Variants in COL22A1 observed in about 807,000 individuals in gnomAD.
COL22A1 encodes collagen type XXII alpha 1 chain, also known as collagen alpha-1(XXII) chain.
Under a neutral mutation model 248.9 loss-of-function variants are expected in COL22A1, and 221 were observed. The ratio of observed to expected loss-of-function variants is 0.89; its 90% confidence interval spans 0.80 to 0.99. The LOEUF (loss-of-function observed/expected upper bound fraction) is 0.99, where lower values mean the gene tolerates loss of function less well. COL22A1 is among the 50% of genes least tolerant of loss of function. The pLI is 0.00. For synonymous variants in COL22A1, 891 were observed against 793.4 expected (o/e 1.12, Z -2.07); for missense variants, 2,240 against 2,179.0 (o/e 1.03, Z -0.56).
chr8:138,692,228 G>T (rs1335015950), intron 35 of COL22A1, among the ~76,000 whole-genome samples: 1 of 150,938 alleles, frequency 6.6e-6, no homozygotes, highest in East Asian at 2.0e-4. Context: ...GTGTGCACGT[G>T]CATGTGCATG....
chr8:138,860,488 C>T lies in COL22A1; in HGVS notation c.659-16330G>A, dbSNP rs531978851. Among the ~76,000 whole-genome samples, 7 of 152,308 alleles carry T rather than the reference C, an allele frequency of 4.6e-5. No homozygotes were observed. The South Asian group carries it at 8.3e-4, about 18-fold the overall frequency. On this transcript the variant is annotated intron_variant, in intron 3 of 64. Coordinates refer to ENST00000303045, the MANE Select transcript of COL22A1 (RefSeq NM_152888.3). ...TTATTTAAATTTTCTATATGTGTGA[C>T]CTCAAAGCCACCAACAATACAATGA... is the stretch of plus-strand genomic sequence containing the variant.
chr8:138,596,927 T>C lies in COL22A1; in HGVS notation c.4409A>G (p.Glu1470Gly). The part of the protein sequence containing the change: ...SMETLRRLIQ[E>G]ELGKQLETRL... ...ACTTTCAAGCTGCTTCCCCAGCTCTTCTTGAATAAGCCGACGCAGGGTTTC... is the reference window on the plus strand; with the variant it reads ...ACTTTCAAGCTGCTTCCCCAGCTCTCCTTGAATAAGCCGACGCAGGGTTTC... The change falls in exon 62 of 65, where the codon GAA (glutamate) becomes GGA (glycine). Residue 1470 changes from glutamate (E) to glycine (G), a missense_variant. Physicochemically the swap from Glu to Gly is moderately conservative, Grantham distance 98. Transcript: ENST00000303045. 1 of 1,614,064 alleles carries C rather than the reference T, an allele frequency of 6.2e-7. No homozygotes were observed.
chr8:138,794,052 C>T (rs962151751), intron 12 of COL22A1, among the ~76,000 whole-genome samples: 2 of 152,120 alleles, frequency 1.3e-5, no homozygotes, highest in Admixed American at 6.5e-5. Flanking sequence ...ACCCTGTGCT[C>T]GGCCTCTGCC....
At position 138,614,620 on chromosome 8, in the gene COL22A1, G is replaced by A. The variant is rs116896638; in HGVS notation, c.3925-700C>T. 1.4e-3 allele frequency among the ~76,000 whole-genome samples: 210 copies of A among 152,194 alleles called. 3 individuals are homozygous for A. In the East Asian group the frequency reaches 0.039, roughly 28 times the overall value. ...TGACCTCAGTCACATTCCTGCCTGG[G>A]TAGCACCCTGCATCACCTTTTCTAC... is the stretch of plus-strand genomic sequence containing the variant. On this transcript the variant is annotated intron_variant, in intron 55 of 64. Transcript: ENST00000303045.
rs146810101 is a variant in COL22A1 at position 138,662,746 on chromosome 8, G to A, written c.3187-663C>T. On this transcript the variant is annotated intron_variant, in intron 42 of 64. Transcript: ENST00000303045. ...CTCTCACATGACCCCTCCATCTAGA[G>A]TCCCACCTGTCTTGCCTCTACTTTG... Among the ~76,000 whole-genome samples, 174 of 152,164 alleles carry A rather than the reference G, an allele frequency of 1.1e-3. 1 individual carries two copies. The highest frequency in any genetic ancestry group is 4.1e-3 in the African/African-American group (172 of 41,534).
chr8:138,804,031 C>T (rs1817238356), intron 10 of COL22A1, among the ~76,000 whole-genome samples: 1 of 152,112 alleles, frequency 6.6e-6, no homozygotes, highest in African/African-American at 2.4e-5. Flanking sequence ...CCCCTCTCAG[C>T]CCCTCAGCTC....
chr8:138,762,306 G>A, intron 17 of COL22A1, 107 bp downstream of exon 17: 2 of 1,090,854 alleles, frequency 1.8e-6, no homozygotes, highest in Non-Finnish European at 1.4e-6. Context: ...GCTGAGCAAG[G>A]AGGAGGCCCA....
At chr8:138,706,575 T>G (rs980562107) in intron 30 of COL22A1, among the ~76,000 whole-genome samples, 2 of 152,168 alleles carry the variant, frequency 1.3e-5, no homozygotes, top group African/African-American at 4.8e-5. Flanking sequence ...AATAAAGATG[T>G]TCTTTGAAAC....
intron 11 of COL22A1, among the ~76,000 whole-genome samples, chr8:138,798,654 C>A (rs11987216): frequency 0.35 from 52,496 of 151,976 alleles, 10,457 homozygotes; most frequent in African/African-American, 0.55. Context: ...ATTGTTATAC[C>A]TAACTTGCCA....
At chr8:138,860,096 C>A (rs1822336087) in intron 3 of COL22A1, among the ~76,000 whole-genome samples, 1 of 152,220 alleles carries the variant, frequency 6.6e-6, no homozygotes, top group African/African-American at 2.4e-5. Context: ...ACCTTAAAAC[C>A]CCTTTCCCTT....
At chr8:138,908,663 A>T (rs192292461) in intron 1 of COL22A1, among the ~76,000 whole-genome samples, 177 of 152,318 alleles carry the variant, frequency 1.2e-3, no homozygotes, top group African/African-American at 3.5e-3. Context: ...AATTCACAGG[A>T]GGAAAGGATC....
intron 24 of COL22A1, 33 bp downstream of exon 24, chr8:138,725,354 A>C: frequency 6.2e-7 from 1 of 1,610,698 alleles, no homozygotes; most frequent in South Asian, 1.1e-5. Flanking sequence ...CCACCATCTA[A>C]GAGCCCCTGT....
chr8:138,771,166 G>A (rs929865922), intron 16 of COL22A1, among the ~76,000 whole-genome samples: 4 of 152,218 alleles, frequency 2.6e-5, no homozygotes, highest in Non-Finnish European at 4.4e-5. Context: ...CAGGGACTCA[G>A]AGGCTGATGG....
intron 47 of COL22A1, among the ~76,000 whole-genome samples, chr8:138,642,535 T>G (rs143777828): frequency 3.1e-3 from 472 of 152,274 alleles, no homozygotes; most frequent in African/African-American, 0.01. Flanking sequence ...TGTTGTTCTT[T>G]TTTTCTGGAT....
chr8:138,666,607 A>G (rs1257347792), intron 41 of COL22A1, among the ~76,000 whole-genome samples: 2 of 152,224 alleles, frequency 1.3e-5, no homozygotes, highest in Non-Finnish European at 2.9e-5. Context: ...ATGGACCACC[A>G]TACCTGCATC....
At chr8:138,797,687 A>G (rs1816666448) in intron 11 of COL22A1, among the ~76,000 whole-genome samples, 2 of 152,168 alleles carry the variant, frequency 1.3e-5, no homozygotes, top group Admixed American at 1.3e-4. Flanking sequence ...CAACTGCACC[A>G]TATTATGCAA....
At chr8:138,635,166 C>T in intron 48 of COL22A1, 103 bp from the exon 49 acceptor site, 1 of 917,806 alleles carries the variant, frequency 1.1e-6, no homozygotes, top group South Asian at 1.8e-5. Context: ...CACCTTCCAA[C>T]CCTACTAACA....
intron 22 of COL22A1, among the ~76,000 whole-genome samples, chr8:138,745,727 C>A (rs1832049953): frequency 1.3e-5 from 2 of 152,112 alleles, no homozygotes; most frequent in Non-Finnish European, 2.9e-5. Flanking sequence ...ATGATTCGGG[C>A]ATGACAATTT....
At chr8:138,786,740 C>G (rs1469464951) in intron 12 of COL22A1, among the ~76,000 whole-genome samples, 2 of 152,128 alleles carry the variant, frequency 1.3e-5, no homozygotes, top group Non-Finnish European at 2.9e-5. Flanking sequence ...CCTGTCTCTA[C>G]TAAAGATACA....
Sources: allele counts gnomAD v4.1 joint callset (sites outside exome capture counted in the v4.1 genomes callset), GRCh38; gene constraint gnomAD v4.1.1; transcripts MANE v1.5; gene names NCBI Gene and HGNC (gene_info 2026-07-23, HGNC 2026-07-21).